Variants in MAST3 observed in about 807,000 individuals in gnomAD.
MAST3 encodes microtubule-associated serine/threonine-protein kinase 3.
MAST3 carries 43 observed loss-of-function variants against 127.0 expected under a neutral mutation model. The observed-to-expected ratio is 0.34, with a 90% CI of 0.27 to 0.44. MAST3 has a LOEUF of 0.44. Ranked by LOEUF, MAST3 falls within the 20% of genes least tolerant of loss-of-function variation. The probability of loss-of-function intolerance (pLI) is 1.00; values close to 1 mark genes in which losing one functional copy is unlikely to be tolerated. For synonymous variants in MAST3, 785 were observed against 809.2 expected, an observed-to-expected ratio of 0.97 and a Z score of 0.51; for missense variants, 1,390 against 1,919.1, an observed-to-expected ratio of 0.72 and a Z score of 5.15.
intron 3 of MAST3, among the ~76,000 whole-genome samples, chr19:18,111,984 C>T (rs1375994346): frequency 6.6e-6 from 1 of 152,242 alleles, no homozygotes; most frequent in African/African-American, 2.4e-5. Flanking sequence ...CCATCAATGA[C>T]TTCTCAGTCA....
chr19:18,137,557 G>A lies in MAST3; in HGVS notation c.2095+196G>A, dbSNP rs187808858. Among the ~76,000 whole-genome samples the A allele has an allele frequency of 5.3e-5, 8 of 152,300 alleles. No homozygotes were observed. The East Asian group carries it at 1.5e-3, about 29-fold the overall frequency. ...CCCTGGCTGGATTTCCTGTGTGTCT[G>A]GGCTCAGGAGGCCACAGCATCCCTC... On this transcript the variant is annotated intron_variant, in intron 19 of 27. Coordinates refer to ENST00000687212, the MANE Select transcript of MAST3 (RefSeq NM_001393504.1).
rs58879254 is a variant in MAST3, at chr19:18,100,128, C to CTTTTTTTTTTT, written c.39+2301_39+2311dup. 4.9e-3 allele frequency among the ~76,000 whole-genome samples: 595 copies of CTTTTTTTTTTT among 121,604 alleles called. 4 individuals are homozygous for CTTTTTTTTTTT. Among genetic ancestry groups the CTTTTTTTTTTT allele is most frequent in the African/African-American group, 0.015 (552 of 35,716 alleles). 79.8% of individuals were successfully genotyped at this position (121,604 alleles called of 152,430 possible). A position where few individuals can be genotyped will look rare whatever the true frequency, so the allele number is the denominator to read the frequency against. On this transcript the variant is annotated intron_variant, in intron 1 of 27. Coordinates refer to ENST00000687212, the MANE Select transcript of MAST3 (RefSeq NM_001393504.1). ...GGCAGAAGGATCTCTCTCTCTCTCT[C>CTTTTTTTTTTT]TTTTTTTTTTTTTTGAGAAAGAATC... is the stretch of plus-strand genomic sequence containing the variant.
chr19:18,124,866 G>A, intron 11 of MAST3, 92 bp downstream of exon 11: 1 of 1,454,480 alleles, frequency 6.9e-7, no homozygotes, highest in Admixed American at 2.5e-5. Context: ...AGCACTTTGG[G>A]AAGCTAAGGC....
intron 27 of MAST3, among the ~76,000 whole-genome samples, chr19:18,148,260 C>T (rs2043235792): frequency 6.6e-6 from 1 of 151,434 alleles, no homozygotes; most frequent in Non-Finnish European, 1.5e-5. Context: ...GAGATTGAGC[C>T]ATTGCACTCC....
chr19:18,122,644 C>T lies in MAST3; in HGVS notation c.321-29C>T, dbSNP rs200261448. ...CACAAACCACAGGGGCCAGGCCTTC[C>T]TTCCATCTGTTCTTGTTCCCCTCTC... is the stretch of plus-strand genomic sequence containing the variant. On this transcript the variant is annotated intron_variant, in intron 5 of 27. Coordinates refer to ENST00000687212, the MANE Select transcript of MAST3 (RefSeq NM_001393504.1). 5.1e-5 allele frequency: 81 copies of T among 1,599,794 alleles called. No homozygotes were observed. In the East Asian group the frequency reaches 1.8e-3, roughly 35 times the overall value.
In MAST3 at chr19:18,149,653, C is replaced by A; in HGVS notation, c.3971C>A (p.Thr1324Asn). 1 of 1,613,252 alleles carries A rather than the reference C, an allele frequency of 6.2e-7. No homozygotes were observed. The highest frequency in any genetic ancestry group is 2.2e-5 in the East Asian group (1 of 44,886). Residue 1324 changes from threonine to asparagine, a missense_variant, in exon 28 of 28, where the codon ACC becomes AAC. By Grantham distance (65) the Thr-to-Asn change is moderately conservative (BLOSUM62 0). Transcript: ENST00000687212. The surrounding 1 kb of genome is among the most constrained non-coding windows in gnomAD (Gnocchi z 5.9). The part of the protein sequence containing the change: ...EPQEEATGLP[T>N]SVPQIAVEGE... The stretch of plus-strand genomic sequence containing the variant: ...CAGGAGGAGGCCACTGGGCTGCCCA[C>A]CTCAGTGCCACAGATCGCCGTGGAG...
In MAST3 at chr19:18,149,314, C is replaced by A. The variant is rs1244201422; in HGVS notation, c.3632C>A (p.Pro1211His). ...GCTGCCAAGCTTGGGCCACCCCGCC[C>A]CAAGACTGGCCGCCGCAAGTCCACC... The part of the protein sequence containing the change: ...GLAAKLGPPR[P>H]KTGRRKSTSS... Residue 1211 changes from proline to histidine, a missense_variant, in exon 28 of 28, where the codon CCC becomes CAC. By Grantham distance (77) the Pro-to-His change is moderately conservative. Transcript: ENST00000687212. The surrounding 1 kb of genome is among the most constrained non-coding windows in gnomAD (Gnocchi z 5.9). The A allele has an allele frequency of 6.5e-7, 1 of 1,529,320 alleles. No homozygotes were observed. The allele number at this position is 1,529,320 out of a possible 1,614,324, so 94.7% of individuals were successfully genotyped here.
chr19:18,136,920 C>T (rs1026741366), intron 18 of MAST3, among the ~76,000 whole-genome samples: 4 of 152,120 alleles, frequency 2.6e-5, no homozygotes, highest in Admixed American at 2.0e-4. Flanking sequence ...CTCCCAGGTT[C>T]GAGCGATTCT....
intron 15 of MAST3, 36 bp downstream of exon 15, chr19:18,132,083 G>A (rs2041365179): frequency 1.9e-6 from 3 of 1,611,174 alleles, no homozygotes; most frequent in Non-Finnish European, 2.5e-6. Flanking sequence ...CCTCGCGGAG[G>A]GCGGGGCCAG....
rs758001416 is a variant in MAST3, at chr19:18,128,837, C to T, written c.1138-29C>T. The stretch of plus-strand genomic sequence containing the variant: ...AAGCCTTCCCAGCTCTGCAGCGGGG[C>T]AGGACCCTAAGCCCTTCCCATCCCC... On this transcript the variant is annotated intron_variant, in intron 12 of 27. Transcript: ENST00000687212. 16 of 1,569,548 alleles carry T rather than the reference C, an allele frequency of 1.0e-5. No homozygotes were observed. In the South Asian group the frequency reaches 1.8e-4, roughly 17 times the overall value.
intron 1 of MAST3, among the ~76,000 whole-genome samples, chr19:18,101,935 T>C (rs1343242857): frequency 7.3e-6 from 1 of 137,152 alleles, no homozygotes; most frequent in Non-Finnish European, 1.5e-5. Flanking sequence ...TCGCCCAGGC[T>C]GGAGTGCAGT....
rs371467305 is a variant in MAST3 at position 18,143,865 on chromosome 19, A to G, written c.2442A>G (p.Thr814=). The G allele has an allele frequency of 1.5e-5, 24 of 1,613,780 alleles. No homozygotes were observed. The African/African-American group carries it at 1.9e-4, about 13-fold the overall frequency. Residue 814 remains threonine, a synonymous_variant, in exon 22 of 28, where the codon ACA becomes ACG. Transcript: ENST00000687212. ...PSLLNTISLD[T]MPKFAFSSED... ...TCCTGAATACCATCAGCCTGGACACAATGCCCAAGTTTGCCTTCTCATCAG... is the reference window on the plus strand; with the variant it reads ...TCCTGAATACCATCAGCCTGGACACGATGCCCAAGTTTGCCTTCTCATCAG...
At chr19:18,111,068 G>A (rs2038548273) in intron 3 of MAST3, among the ~76,000 whole-genome samples, 1 of 152,112 alleles carries the variant, frequency 6.6e-6, no homozygotes, top group Non-Finnish European at 1.5e-5. Flanking sequence ...ACTCCTGGGT[G>A]GTGACCTCAG....
chr19:18,134,303 G>A (rs138504860), intron 15 of MAST3, among the ~76,000 whole-genome samples: 9 of 152,302 alleles, frequency 5.9e-5, no homozygotes, highest in Admixed American at 1.3e-4. Flanking sequence ...TGTCATGCCA[G>A]CACTTTCAAA....
intron 20 of MAST3, among the ~76,000 whole-genome samples, chr19:18,141,399 G>A (rs1461563191): frequency 8.4e-5 from 1 of 11,908 alleles, no homozygotes. Context: ...TTGAAACAGA[G>A]TCTCGCTCTG....
At chr19:18,106,101 T>C (rs915548697) in intron 1 of MAST3, among the ~76,000 whole-genome samples, 1 of 152,164 alleles carries the variant, frequency 6.6e-6, no homozygotes, top group Non-Finnish European at 1.5e-5. Context: ...TATTAATTTT[T>C]TTTAGACTTA....
intron 2 of MAST3, among the ~76,000 whole-genome samples, chr19:18,108,360 T>G (rs905149139): frequency 1.9e-4 from 29 of 151,832 alleles, no homozygotes; most frequent in Admixed American, 4.6e-4. Flanking sequence ...GGTTTTTTTT[T>G]TTTTGTTTTG....
chr19:18,147,552 G>T lies in MAST3; in HGVS notation c.3436G>T (p.Gly1146Cys). The T allele has an allele frequency of 1.3e-6, 2 of 1,596,070 alleles. No individual in the cohort carries two copies. Among genetic ancestry groups the T allele is most frequent in the Non-Finnish European group, 1.7e-6 (2 of 1,171,894 alleles). The change falls in exon 27 of 28, where the codon GGC (glycine) becomes TGC (cysteine). Residue 1146 changes from glycine to cysteine, a missense_variant. Transcript: ENST00000687212. ...ACTGTCATCCAGTGAGAGCCTCCCCGGCTCGCCCACCCACAGCCTCTCCCC... is the reference window on the plus strand; with the variant it reads ...ACTGTCATCCAGTGAGAGCCTCCCCTGCTCGCCCACCCACAGCCTCTCCCC... ...HSLSSSESLP[G>C]SPTHSLSPSP...
chr19:18,101,836 T>TA lies in MAST3; in HGVS notation c.39+4006dup, dbSNP rs1397176911. 3.3e-5 allele frequency among the ~76,000 whole-genome samples: 5 copies of TA among 150,036 alleles called. No individual in the cohort carries two copies. The East Asian group carries it at 9.8e-4, about 30-fold the overall frequency. On this transcript the variant is annotated intron_variant, in intron 1 of 27. Coordinates refer to ENST00000687212, the MANE Select transcript of MAST3 (RefSeq NM_001393504.1). ...CGACTAATATAATTTTTATATTTTT[T>TA]AGTAGAGATGGTGTTTCACCATGTT... is the stretch of plus-strand genomic sequence containing the variant.
Sources: allele counts gnomAD v4.1 joint callset (sites outside exome capture counted in the v4.1 genomes callset), GRCh38; gene constraint gnomAD v4.1.1; non-coding constraint Gnocchi (gnomAD v3.1); transcripts MANE v1.5; gene names NCBI Gene and HGNC (gene_info 2026-07-23, HGNC 2026-07-21).